STOX2: variants seen among roughly 807,000 people sequenced by gnomAD.
STOX2 encodes the protein storkhead box 2.
STOX2 carries 28 observed loss-of-function variants against 60.9 expected under a neutral mutation model. That is an observed-to-expected ratio of 0.46 (90% CI 0.34 to 0.63). The LOEUF (loss-of-function observed/expected upper bound fraction) is 0.63. STOX2 is among the 30% of genes least tolerant of loss of function. The pLI is 0.01. For missense variants in STOX2, 1,024 were observed against 1,187.7 expected, an observed-to-expected ratio of 0.86 and a Z score of 2.03; for synonymous variants, 472 against 463.9, an observed-to-expected ratio of 1.02 and a Z score of -0.22.
chr4:183,860,456 A>AAAAAAAAAAAAAAAAAAAAAAAAAAC (rs1560850793), intron 1 of STOX2, among the ~76,000 whole-genome samples: 1 of 149,468 alleles, frequency 6.7e-6, no homozygotes, highest in Non-Finnish European at 1.5e-5. Context: ...AAAAAAAAAA[A>AAAAAAAAAAAAAAAAAAAAAAAAAAC]AAGAAGAAAA....
chr4:183,891,294 GAATATATATATATATCTAT>G (rs1741202738), intron 1 of STOX2, among the ~76,000 whole-genome samples: 1 of 8,554 alleles, frequency 1.2e-4, no homozygotes, highest in Non-Finnish European at 5.1e-4. Flanking sequence ...GTATATGATG[GAATATATATATATATCTAT>G]GATGGAATAT....
chr4:183,828,196 G>A (rs1197553083), intron 1 of STOX2, among the ~76,000 whole-genome samples: 3 of 152,216 alleles, frequency 2.0e-5, no homozygotes, highest in Non-Finnish European at 4.4e-5. Context: ...TGAGGCTGGA[G>A]AAAGAGACTT....
At chr4:183,952,814 G>A (rs1229537970) in intron 1 of STOX2, among the ~76,000 whole-genome samples, 4 of 152,166 alleles carry the variant, frequency 2.6e-5, no homozygotes, top group Admixed American at 6.5e-5. Context: ...CTATACCAAC[G>A]CAGGTATAAA....
At chr4:183,942,942 A>G (rs1485995086) in intron 1 of STOX2, among the ~76,000 whole-genome samples, 1 of 152,190 alleles carries the variant, frequency 6.6e-6, no homozygotes, top group Non-Finnish European at 1.5e-5. Context: ...TTATCAGTTC[A>G]TCTAATTGCT....
At chr4:183,805,999 GA>G (rs1738881034) in intron 1 of STOX2, among the ~76,000 whole-genome samples, 1 of 152,304 alleles carries the variant, frequency 6.6e-6, no homozygotes, top group African/African-American at 2.4e-5. Context: ...TAAAGAGGTA[GA>G]AAGGATTCAT....
chr4:183,895,868 G>A (rs1339995053), intron 1 of STOX2, among the ~76,000 whole-genome samples: 1 of 152,202 alleles, frequency 6.6e-6, no homozygotes, highest in Non-Finnish European at 1.5e-5. Flanking sequence ...GTAATAGGAA[G>A]GGCACTGTTG....
intron 1 of STOX2, chr4:183,853,945 C>G (rs1279700680): frequency 6.6e-6 from 1 of 152,198 alleles, no homozygotes; most frequent in Non-Finnish European, 1.5e-5. Context: ...CTATTCTGTT[C>G]TGGCGATGTT....
chr4:183,843,147 C>CAAAAAAA (rs60213127), intron 1 of STOX2, among the ~76,000 whole-genome samples: 6 of 102,166 alleles, frequency 5.9e-5, no homozygotes, highest in South Asian at 3.1e-4. Flanking sequence ...GACTCCATCT[C>CAAAAAAA]AAAAAAAAAA....
chr4:183,800,094 G>A (rs758317291), intron 1 of STOX2, among the ~76,000 whole-genome samples: 1 of 152,106 alleles, frequency 6.6e-6, no homozygotes, highest in African/African-American at 2.4e-5. Flanking sequence ...ATCTCCACTG[G>A]AATTCCAATT....
intron 2 of STOX2, among the ~76,000 whole-genome samples, chr4:184,005,552 G>A (rs1733791563): frequency 6.6e-6 from 1 of 151,594 alleles, no homozygotes; most frequent in South Asian, 2.1e-4. Flanking sequence ...ATGTAAAGGT[G>A]TGGAAGAGAT....
intron 1 of STOX2, among the ~76,000 whole-genome samples, chr4:183,818,637 G>A (rs1313259243): frequency 9.9e-5 from 15 of 152,168 alleles, no homozygotes; most frequent in African/African-American, 2.6e-4. Flanking sequence ...GGTGGCGGCC[G>A]GGCAGAGGGG....
At chr4:183,924,992 G>A (rs1427611906) in intron 1 of STOX2, among the ~76,000 whole-genome samples, 3 of 152,082 alleles carry the variant, frequency 2.0e-5, no homozygotes, top group African/African-American at 4.8e-5. Flanking sequence ...TACATGTAGC[G>A]GTCTATAATC....
Position 183,836,662 on chromosome 4 carries a change from C to T in STOX2, c.364+38607C>T, listed in dbSNP as rs1289394314. On this transcript the variant is annotated intron_variant, in intron 1 of 2. Coordinates refer to the STOX2 transcript ENST00000513034. The surrounding 1 kb of genome is among the most constrained non-coding windows in gnomAD (Gnocchi z 4.1). The stretch of plus-strand genomic sequence containing the variant: ...GAAGGGGTGACCTGGTATTAGTGAG[C>T]ATCAGCAGTGTCCATCGCAGTCACC... Among the ~76,000 whole-genome samples, 1 of 152,144 alleles carries T rather than the reference C, an allele frequency of 6.6e-6. No homozygotes were observed. Among genetic ancestry groups the T allele is most frequent in the African/African-American group, 2.4e-5 (1 of 41,424 alleles).
chr4:183,866,036 C>T (rs1277202100), intron 1 of STOX2, among the ~76,000 whole-genome samples: 2 of 152,034 alleles, frequency 1.3e-5, no homozygotes, highest in East Asian at 3.9e-4. Flanking sequence ...CCCAGCAGAC[C>T]TGGGTATGAG....
In STOX2 at chr4:183,937,623, C is replaced by T. The variant is rs564806148; in HGVS notation, c.166+30667C>T. Among the ~76,000 whole-genome samples the T allele has an allele frequency of 2.2e-4, 33 of 152,242 alleles. No homozygotes were observed. The South Asian group carries it at 6.0e-3, about 28-fold the overall frequency. On this transcript the variant is annotated intron_variant, in intron 1 of 3. Coordinates refer to ENST00000308497, the MANE Select transcript of STOX2 (RefSeq NM_020225.3). The stretch of plus-strand genomic sequence containing the variant: ...CATCCAAGCTCATGATCAGTGGACT[C>T]GTCTCATTGAGCTCATTCAGGTGTG...
intron 1 of STOX2, among the ~76,000 whole-genome samples, chr4:183,839,735 A>G (rs1211986320): frequency 1.3e-5 from 2 of 152,230 alleles, no homozygotes; most frequent in African/African-American, 4.8e-5. Flanking sequence ...TTAATTAATA[A>G]TGGAAAGAAT....
intron 1 of STOX2, among the ~76,000 whole-genome samples, chr4:183,909,799 C>A (rs115652491): frequency 6.6e-6 from 1 of 152,130 alleles, no homozygotes; most frequent in Non-Finnish European, 1.5e-5. Flanking sequence ...CTTTTCTCCA[C>A]GAATAAGTAA....
intron 1 of STOX2, among the ~76,000 whole-genome samples, chr4:183,915,108 G>A (rs764182898): frequency 1.3e-5 from 2 of 152,222 alleles, no homozygotes; most frequent in African/African-American, 2.4e-5. Context: ...TTTAATCCGT[G>A]ATGGCCCCTC....
chr4:184,010,125 G>T lies in STOX2; in HGVS notation c.1287G>T (p.Val429=), dbSNP rs750600736. The T allele has an allele frequency of 6.3e-6, 10 of 1,579,128 alleles. No individual in the cohort carries two copies. In the South Asian group the frequency reaches 9.2e-5, roughly 15 times the overall value. Reference sequence around the variant, plus strand: ...TCATCATGCACAGCAACACAAACGTGCTCGAGTCCCACTTCCCCATGACAC... The same window carrying T: ...TCATCATGCACAGCAACACAAACGTTCTCGAGTCCCACTTCCCCATGACAC... ...DNFIMHSNTN[V]LESHFPMTPE... is the part of the protein sequence containing the mutation. Residue 429 remains valine, a synonymous_variant, in exon 3 of 4, where the codon GTG becomes GTT. Coordinates refer to ENST00000308497, the MANE Select transcript of STOX2 (RefSeq NM_020225.3). The surrounding 1 kb of genome is among the most constrained non-coding windows in gnomAD (Gnocchi z 4.5).
Sources: allele counts gnomAD v4.1 joint callset (sites outside exome capture counted in the v4.1 genomes callset), GRCh38; gene constraint gnomAD v4.1.1; non-coding constraint Gnocchi (gnomAD v3.1); transcripts MANE v1.5; gene names NCBI Gene and HGNC (gene_info 2026-07-23, HGNC 2026-07-21).